HYAL4: variants seen among roughly 807,000 people sequenced by gnomAD.
The protein encoded by HYAL4 is hyaluronidase-4.
Under a neutral mutation model 35.2 loss-of-function variants are expected in HYAL4, and 37 were observed. That is an observed-to-expected ratio of 1.05 (90% CI 0.81 to 1.38). The LOEUF is 1.38. Ranked by LOEUF, HYAL4 falls within the 40% of genes most tolerant of loss-of-function variation. HYAL4 has a pLI of 0.00. For missense variants in HYAL4, 572 were observed against 572.4 expected (o/e 1.00, Z 0.01); for synonymous variants, 198 against 203.2 (o/e 0.97, Z 0.22).
At chr7:123,861,156 G>T (rs1048021327) in intron 2 of HYAL4, among the ~76,000 whole-genome samples, 7 of 152,032 alleles carry the variant, frequency 4.6e-5, no homozygotes, top group African/African-American at 1.7e-4. Flanking sequence ...TGGTCCTCAG[G>T]CCTGAGGTTG....
chr7:123,837,856 T>G (rs545731354), intron 1 of HYAL4, among the ~76,000 whole-genome samples: 76 of 152,188 alleles, frequency 5.0e-4, no homozygotes, highest in Admixed American at 1.4e-3. Flanking sequence ...ACTCATCATT[T>G]TTTATGGCTG....
At chr7:123,763,987 TTTG>T in the HYAL4 span, among the ~76,000 whole-genome samples, 52 of 152,086 alleles carry the variant, frequency 3.4e-4, no homozygotes, top group African/African-American at 1.2e-3. Context: ...AATAAATTAG[TTTG>T]TTGTTGTTTT....
chr7:123,787,904 C>T, the HYAL4 span, among the ~76,000 whole-genome samples: 1 of 152,178 alleles, frequency 6.6e-6, no homozygotes, highest in African/African-American at 2.4e-5. Flanking sequence ...ACACAACTTA[C>T]CAGTTGGTTT....
chr7:123,870,121 A>C (rs188912560), intron 3 of HYAL4, among the ~76,000 whole-genome samples: 9 of 152,338 alleles, frequency 5.9e-5, no homozygotes, highest in African/African-American at 1.9e-4. Flanking sequence ...AATATATTTT[A>C]ACAGAGGCAT....
At chr7:123,803,210 T>C in the HYAL4 span, among the ~76,000 whole-genome samples, 1 of 152,218 alleles carries the variant, frequency 6.6e-6, no homozygotes, top group African/African-American at 2.4e-5. Flanking sequence ...GATTGATTGC[T>C]TTAGTCCAGG....
intron 3 of HYAL4, among the ~76,000 whole-genome samples, chr7:123,870,428 A>T (rs1321031979): frequency 6.6e-6 from 1 of 152,174 alleles, no homozygotes; most frequent in Non-Finnish European, 1.5e-5. Context: ...AAAATAATTG[A>T]ATGAAGAATA....
Position 123,868,744 on chromosome 7 carries a change from G to T in HYAL4, c.471G>T (p.Trp157Cys). Residue 157 changes from tryptophan to cysteine, a missense_variant, in exon 3 of 5, where the codon TGG (tryptophan) becomes TGT (cysteine). Trp to Cys is a radical substitution (Grantham distance 215). Transcript: ENST00000223026. Reference sequence around the variant, plus strand: ...GGCGACCACAGTGGGCCCGGAACTGGAACTCAAAAGATGTTTACAGACAGA... The same window carrying T: ...GGCGACCACAGTGGGCCCGGAACTGTAACTCAAAAGATGTTTACAGACAGA... ...EYWRPQWARNWNSKDVYRQKS... is the reference protein window; with the variant it reads ...EYWRPQWARNCNSKDVYRQKS... The T allele has an allele frequency of 6.2e-7, 1 of 1,614,044 alleles. No homozygotes were observed. The highest frequency in any genetic ancestry group is 8.5e-7 in the Non-Finnish European group (1 of 1,180,012).
intron 2 of HYAL4, among the ~76,000 whole-genome samples, chr7:123,850,152 T>C: frequency 6.6e-6 from 1 of 152,196 alleles, no homozygotes; most frequent in East Asian, 1.9e-4. Flanking sequence ...TAAGAAAGCT[T>C]AGTCACACGA....
intron 1 of HYAL4, among the ~76,000 whole-genome samples, chr7:123,831,367 G>C (rs1805880620): frequency 6.6e-6 from 1 of 152,184 alleles, no homozygotes; most frequent in Middle Eastern, 3.4e-3. Context: ...CCAGCCTCAG[G>C]TATTTGACTA....
At chr7:123,792,561 C>T in the HYAL4 span, among the ~76,000 whole-genome samples, 1 of 152,174 alleles carries the variant, frequency 6.6e-6, no homozygotes, top group Non-Finnish European at 1.5e-5. Context: ...GGAGCCCACA[C>T]CTGCTTGACT....
At chr7:123,844,055 G>A (rs111501921), upstream of HYAL4, among the ~76,000 whole-genome samples, 738 of 152,052 alleles carry the variant, frequency 4.9e-3, 7 homozygotes, top group African/African-American at 0.017. Context: ...GAGGAGCTGC[G>A]ATCCTTTGGA....
intron 1 of HYAL4, among the ~76,000 whole-genome samples, chr7:123,834,159 G>A (rs1320712544): frequency 6.6e-6 from 1 of 152,042 alleles, no homozygotes; most frequent in African/African-American, 2.4e-5. Context: ...CATTGAATTT[G>A]TAGATTGCTT....
the HYAL4 span, among the ~76,000 whole-genome samples, chr7:123,787,415 G>A: frequency 6.6e-6 from 1 of 152,168 alleles, no homozygotes; most frequent in African/African-American, 2.4e-5. Flanking sequence ...AGCCCATGTG[G>A]CCTGTTTGAA....
the HYAL4 span, among the ~76,000 whole-genome samples, chr7:123,813,810 G>A: frequency 2.0e-5 from 3 of 152,124 alleles, no homozygotes; most frequent in Non-Finnish European, 4.4e-5. Flanking sequence ...TTCTTTTCTA[G>A]TTCCTCTTAG....
chr7:123,847,429 A>G (rs1806198025), intron 1 of HYAL4, among the ~76,000 whole-genome samples: 1 of 152,154 alleles, frequency 6.6e-6, no homozygotes, highest in Non-Finnish European at 1.5e-5. Flanking sequence ...CTAATACTCT[A>G]TTCAACGATT....
intron 1 of HYAL4, among the ~76,000 whole-genome samples, chr7:123,837,511 G>A (rs972129672): frequency 6.6e-5 from 10 of 152,184 alleles, no homozygotes; most frequent in African/African-American, 1.7e-4. Flanking sequence ...GAATATTAAC[G>A]TGTCTGGCAT....
intron 1 of HYAL4, among the ~76,000 whole-genome samples, chr7:123,847,717 G>A (rs571397760): frequency 6.6e-6 from 1 of 152,264 alleles, no homozygotes; most frequent in Non-Finnish European, 1.5e-5. Flanking sequence ...GGTGGAGGTT[G>A]CCGTGAGCTG....
chr7:123,795,838 A>G, the HYAL4 span, among the ~76,000 whole-genome samples: 2 of 152,000 alleles, frequency 1.3e-5, no homozygotes, highest in South Asian at 4.1e-4. Context: ...TTTAGTTACC[A>G]AGGAAGAGGA....
the HYAL4 span, among the ~76,000 whole-genome samples, chr7:123,786,488 C>A: frequency 6.6e-6 from 1 of 152,070 alleles, no homozygotes; most frequent in African/African-American, 2.4e-5. Flanking sequence ...ATTACAATGA[C>A]TCCTTGATTC....
Sources: allele counts gnomAD v4.1 joint callset (sites outside exome capture counted in the v4.1 genomes callset), GRCh38; gene constraint gnomAD v4.1.1; transcripts MANE v1.5; gene names NCBI Gene and HGNC (gene_info 2026-07-23, HGNC 2026-07-21).